Variants in NLRP8 observed in about 807,000 individuals in gnomAD.
NLRP8 encodes the protein NACHT, LRR and PYD domains-containing protein 8.
A neutral mutation model predicts 88.7 loss-of-function variants in NLRP8; 86 were observed. The ratio of observed to expected loss-of-function variants is 0.97; its 90% confidence interval spans 0.81 to 1.16. The LOEUF is 1.16. Among genes scored for constraint, NLRP8 ranks in the 50% most tolerant of loss-of-function variants. The pLI, the probability that NLRP8 is intolerant of heterozygous loss-of-function variation, is 0.00. For synonymous variants in NLRP8, 504 were observed against 494.6 expected (o/e 1.02, Z -0.25); for missense variants, 1,342 against 1,286.5 (o/e 1.04, Z -0.66).
At chr19:55,958,551 C>T (rs897991617) in intron 3 of NLRP8, among the ~76,000 whole-genome samples, 1 of 152,066 alleles carries the variant, frequency 6.6e-6, no homozygotes, top group African/African-American at 2.4e-5. Context: ...GATTGGAGCC[C>T]GGCCATGCTT....
Position 55,947,941 on chromosome 19 carries a change from C to G in NLRP8, c.39C>G (p.Pro13=), listed in dbSNP as rs757579265. 5.6e-6 allele frequency: 9 copies of G among 1,613,874 alleles called. No individual in the cohort carries two copies. In the South Asian group the frequency reaches 8.8e-5, roughly 16 times the overall value. ...ATCCACCCTCTGACACCCCCATTCCCTTTTCATCCTCCTCCACTCACAGTT... is the reference window on the plus strand; with the variant it reads ...ATCCACCCTCTGACACCCCCATTCCGTTTTCATCCTCCTCCACTCACAGTT... Residue 13 remains proline, a synonymous_variant, in exon 1 of 10, where the codon CCC becomes CCG. Coordinates refer to ENST00000291971, the MANE Select transcript of NLRP8 (RefSeq NM_176811.2).
intron 9 of NLRP8, among the ~76,000 whole-genome samples, chr19:55,987,454 C>A (rs903016511): frequency 3.3e-5 from 5 of 152,146 alleles, no homozygotes; most frequent in African/African-American, 1.2e-4. Flanking sequence ...GGTAGGAGTC[C>A]AGAGGGTGTT....
intron 8 of NLRP8, among the ~76,000 whole-genome samples, chr19:55,978,651 G>A (rs186158655): frequency 9.2e-5 from 14 of 152,158 alleles, no homozygotes; most frequent in Admixed American, 5.2e-4. Flanking sequence ...CTTATGGGCC[G>A]GCATCGTATT....
At chr19:55,987,595 C>T (rs1980908747) in intron 9 of NLRP8, among the ~76,000 whole-genome samples, 1 of 152,106 alleles carries the variant, frequency 6.6e-6, no homozygotes, top group Admixed American at 6.6e-5. Context: ...AATGGCTTGC[C>T]TGGGGTAGAA....
chr19:55,966,070 C>T (rs914744207), intron 4 of NLRP8, 143 bp from the exon 5 acceptor site: 9 of 662,672 alleles, frequency 1.4e-5, no homozygotes, highest in Non-Finnish European at 2.4e-5. Flanking sequence ...TTAATGTCTG[C>T]ATCCTGAATT....
chr19:55,976,039 A>C, intron 7 of NLRP8, 94 bp from the exon 8 acceptor site: 1 of 1,239,974 alleles, frequency 8.1e-7, no homozygotes, highest in Non-Finnish European at 1.1e-6. Flanking sequence ...CCAAAAACAA[A>C]GAAGTAAAAC....
chr19:55,955,330 C>G lies in NLRP8; in HGVS notation c.1272C>G (p.Thr424=), dbSNP rs762090854. Residue 424 remains threonine, a synonymous_variant, in exon 3 of 10, where the codon ACC becomes ACG. Transcript: ENST00000291971. Reference sequence around the variant, plus strand: ...TCACACAGTCATGTCCAAATGCCACCTCTGTGTTCGTCCGGTATATTTCTA... The same window carrying G: ...TCACACAGTCATGTCCAAATGCCACGTCTGTGTTCGTCCGGTATATTTCTA... 3 of 1,614,170 alleles carry G rather than the reference C, an allele frequency of 1.9e-6. No individual in the cohort carries two copies. The Admixed American group carries it at 5.0e-5, about 27-fold the overall frequency.
chr19:55,966,604 CCAACATGGT>C (rs1568464372), intron 5 of NLRP8, among the ~76,000 whole-genome samples: 1 of 152,078 alleles, frequency 6.6e-6, no homozygotes, highest in Non-Finnish European at 1.5e-5. Flanking sequence ...ACCAACCTGG[CCAACATGGT>C]GAAACTCCAT....
chr19:55,948,431 AT>A (rs1978950994), intron 1 of NLRP8, among the ~76,000 whole-genome samples, 162 bp downstream of exon 1: 1 of 152,068 alleles, frequency 6.6e-6, no homozygotes, highest in African/African-American at 2.4e-5. Flanking sequence ...TCATACGGGC[AT>A]TTTTTTAATT....
intron 3 of NLRP8, among the ~76,000 whole-genome samples, chr19:55,957,974 A>C (rs1232403711): frequency 6.6e-6 from 1 of 152,170 alleles, no homozygotes; most frequent in Non-Finnish European, 1.5e-5. Flanking sequence ...GCCATATAGC[A>C]GACACAATGT....
intron 1 of NLRP8, 92 bp downstream of exon 1, chr19:55,948,361 T>G: frequency 2.2e-6 from 3 of 1,361,126 alleles, no homozygotes; most frequent in South Asian, 2.7e-5. Flanking sequence ...TTATTGGCCT[T>G]CTGAGCAAGA....
chr19:55,985,868 T>C (rs1980784010), intron 9 of NLRP8, among the ~76,000 whole-genome samples: 1 of 152,094 alleles, frequency 6.6e-6, no homozygotes, highest in South Asian at 2.1e-4. Flanking sequence ...ATCTGAAAAT[T>C]AGCCGGGCAT....
At chr19:55,962,279 A>G (rs11671531) in intron 4 of NLRP8, 42 bp downstream of exon 4, 669,229 of 1,577,106 alleles carry the variant, frequency 0.42, 144,427 homozygotes, top group East Asian at 0.57. Flanking sequence ...CTTTATGGAG[A>G]TGGTCTGTTT....
At chr19:55,973,609 A>C in intron 6 of NLRP8, 43 bp from the exon 7 acceptor site, 12 of 1,527,542 alleles carry the variant, frequency 7.9e-6, no homozygotes, top group Non-Finnish European at 8.9e-6. Context: ...TGTGAGACAA[A>C]GACCCCTCTC....
intron 9 of NLRP8, among the ~76,000 whole-genome samples, chr19:55,985,764 C>G (rs1568471418): frequency 6.6e-6 from 1 of 152,120 alleles, no homozygotes; most frequent in Non-Finnish European, 1.5e-5. Context: ...GCCTGTAATC[C>G]CAGCACTTTG....
intron 9 of NLRP8, among the ~76,000 whole-genome samples, chr19:55,980,324 G>A (rs949562328): frequency 2.0e-5 from 3 of 152,166 alleles, no homozygotes; most frequent in African/African-American, 7.2e-5. Context: ...CTCAACCAGT[G>A]GTGGGTTCTG....
At chr19:55,969,344 A>G (rs1979976524) in intron 5 of NLRP8, among the ~76,000 whole-genome samples, 1 of 152,116 alleles carries the variant, frequency 6.6e-6, no homozygotes, top group Non-Finnish European at 1.5e-5. Flanking sequence ...CTCACCTGTA[A>G]ATGAGAACAT....
intron 5 of NLRP8, among the ~76,000 whole-genome samples, chr19:55,967,845 G>C (rs574219983): frequency 1.3e-5 from 2 of 152,302 alleles, no homozygotes; most frequent in Admixed American, 1.3e-4. Context: ...AACAACAAAA[G>C]TCATAGATTA....
At chr19:55,961,607 G>C (rs1979613224) in intron 3 of NLRP8, among the ~76,000 whole-genome samples, 2 of 151,622 alleles carry the variant, frequency 1.3e-5, no homozygotes. Context: ...TTCAAGACCA[G>C]CCTGGGTAAC....
Sources: gnomAD v4.1 joint callset for allele counts (sites outside exome capture counted in the v4.1 genomes callset) on GRCh38, gnomAD v4.1.1 for gene constraint, MANE v1.5 for transcripts, NCBI Gene and HGNC (gene_info 2026-07-23, HGNC 2026-07-21) for gene names.